ELOVL7: variants seen among roughly 807,000 people sequenced by gnomAD.
The protein encoded by ELOVL7 is ELOVL fatty acid elongase 7, also known as very long chain fatty acid elongase 7.
ELOVL7 carries 27 observed loss-of-function variants against 35.7 expected under a neutral mutation model. The observed-to-expected ratio is 0.76, with a 90% CI of 0.56 to 1.04. The LOEUF is 1.04. Ranked by LOEUF, ELOVL7 falls within the 50% of genes least tolerant of loss-of-function variation. The pLI is 0.00. For synonymous variants in ELOVL7, 113 were observed against 114.6 expected, an observed-to-expected ratio of 0.99 and a Z score of 0.09; for missense variants, 327 against 340.8, an observed-to-expected ratio of 0.96 and a Z score of 0.32.
chr5:60,812,472 C>A (rs749808315), intron 1 of ELOVL7, among the ~76,000 whole-genome samples: 6 of 150,230 alleles, frequency 4.0e-5, no homozygotes, highest in Non-Finnish European at 8.9e-5. Context: ...CTGGAGAGGA[C>A]AAGCTGCAAA....
chr5:60,795,621 C>T (rs1460209321), intron 2 of ELOVL7, among the ~76,000 whole-genome samples: 1 of 152,224 alleles, frequency 6.6e-6, no homozygotes, highest in Admixed American at 6.5e-5. Flanking sequence ...TCACCATCCA[C>T]CAGGGCTGAA....
intron 1 of ELOVL7, among the ~76,000 whole-genome samples, chr5:60,818,169 T>G (rs2112341858): frequency 6.6e-6 from 1 of 151,360 alleles, no homozygotes; most frequent in East Asian, 1.9e-4. Flanking sequence ...AATATAGAAA[T>G]TAGCTGGGTG....
In ELOVL7 at chr5:60,754,743, T is replaced by C. The variant is rs1446451843; in HGVS notation, c.727A>G (p.Met243Val). Residue 243 changes from methionine (M) to valine (V), a missense_variant, in exon 9 of 9, where the codon ATG becomes GTG. Transcript: ENST00000508821. ...AGCAGAAACATGAAACTGTAACTCATAATGATGCACGCAAAGACTGGAAAC... is the reference window on the plus strand; with the variant it reads ...AGCAGAAACATGAAACTGTAACTCACAATGATGCACGCAAAGACTGGAAAC... Reference protein sequence around the residue: ...YQFPVFACIIMSYSFMFLLLF... With the variant: ...YQFPVFACIIVSYSFMFLLLF... The C allele has an allele frequency of 6.2e-7, 1 of 1,614,072 alleles. No homozygotes were observed. Among genetic ancestry groups the C allele is most frequent in the Non-Finnish European group, 8.5e-7 (1 of 1,180,008 alleles).
chr5:60,786,329 C>T (rs569190827), intron 3 of ELOVL7, among the ~76,000 whole-genome samples: 1 of 152,240 alleles, frequency 6.6e-6, no homozygotes, highest in African/African-American at 2.4e-5. Context: ...AAAAGCAACA[C>T]AACATATTTG....
Position 60,766,627 on chromosome 5 carries a change from C to G in ELOVL7, c.340G>C (p.Ala114Pro), listed in dbSNP as rs1742252929. The G allele has an allele frequency of 6.2e-7, 1 of 1,611,456 alleles. No homozygotes were observed. The highest frequency in any genetic ancestry group is 1.3e-5 in the African/African-American group (1 of 74,814). The change falls in exon 6 of 9, where the codon GCA becomes CCA. Residue 114 changes from alanine (A) to proline (P), a missense_variant. By Grantham distance (27) the Ala-to-Pro change is conservative (BLOSUM62 -1). Transcript: ENST00000508821. ...YSRSPTALRM[A>P]RTCWLYYFSK... Reference sequence around the variant, plus strand: ...AAGTAATAAAGCCAGCAGGTACGTGCCATCTGCAGAAGCACAAATAAATCT... The same window carrying G: ...AAGTAATAAAGCCAGCAGGTACGTGGCATCTGCAGAAGCACAAATAAATCT...
intron 1 of ELOVL7, among the ~76,000 whole-genome samples, chr5:60,840,420 T>G (rs1181463647): frequency 1.3e-5 from 2 of 152,176 alleles, no homozygotes; most frequent in African/African-American, 4.8e-5. Context: ...TATCAGAGAT[T>G]GCTGCTGTCA....
intron 1 of ELOVL7, among the ~76,000 whole-genome samples, chr5:60,838,358 C>T (rs573150091): frequency 3.9e-5 from 6 of 152,302 alleles, no homozygotes; most frequent in Admixed American, 1.3e-4. Context: ...CCTGTCTGCC[C>T]GCCTCTGCCT....
chr5:60,783,039 C>T (rs1251706371), intron 3 of ELOVL7, among the ~76,000 whole-genome samples: 1 of 151,992 alleles, frequency 6.6e-6, no homozygotes, highest in Non-Finnish European at 1.5e-5. Context: ...ACTTTGTACC[C>T]CATAAATATA....
intron 1 of ELOVL7, chr5:60,843,361 CTGGGAAAG>C (rs1747297600): frequency 1.0e-5 from 1 of 97,258 alleles, no homozygotes; most frequent in Non-Finnish European, 2.7e-5. Flanking sequence ...CCCAACGAAC[CTGGGAAAG>C]CCCATTTCCC....
intron 1 of ELOVL7, among the ~76,000 whole-genome samples, chr5:60,825,222 C>G (rs1365839581): frequency 6.6e-6 from 1 of 152,110 alleles, no homozygotes; most frequent in Non-Finnish European, 1.5e-5. Flanking sequence ...GCATTGATCC[C>G]CTTGTCCTTC....
chr5:60,767,053 T>G (rs1432474512), intron 5 of ELOVL7, among the ~76,000 whole-genome samples: 1 of 152,206 alleles, frequency 6.6e-6, no homozygotes, highest in Non-Finnish European at 1.5e-5. Flanking sequence ...AAAGGCTGAA[T>G]CATATTCCAT....
At chr5:60,805,196 C>T (rs963975283) in intron 1 of ELOVL7, among the ~76,000 whole-genome samples, 1 of 152,198 alleles carries the variant, frequency 6.6e-6, no homozygotes, top group African/African-American at 2.4e-5. Flanking sequence ...AATTCATTCG[C>T]TTATTCAACC....
chr5:60,785,929 GT>G (rs1358589896), intron 3 of ELOVL7: 1 of 152,152 alleles, frequency 6.6e-6, no homozygotes, highest in Non-Finnish European at 1.5e-5. Flanking sequence ...ATGAAACAGT[GT>G]ATCTTTGCTG....
chr5:60,830,688 T>C (rs190085014), intron 1 of ELOVL7, among the ~76,000 whole-genome samples: 57 of 152,068 alleles, frequency 3.7e-4, no homozygotes, highest in Non-Finnish European at 7.4e-4. Context: ...ACTTAAAATT[T>C]ACCATCTTAA....
intron 1 of ELOVL7, among the ~76,000 whole-genome samples, chr5:60,828,772 T>G (rs934906184): frequency 2.0e-5 from 3 of 152,230 alleles, no homozygotes; most frequent in African/African-American, 7.2e-5. Context: ...TTACTCGTAT[T>G]GTTTTAAAAC....
At chr5:60,816,529 A>G (rs889232766) in intron 1 of ELOVL7, among the ~76,000 whole-genome samples, 2 of 152,230 alleles carry the variant, frequency 1.3e-5, no homozygotes, top group Non-Finnish European at 2.9e-5. Context: ...ATACCCCACC[A>G]CAACCCACAA....
intron 5 of ELOVL7, 115 bp from the exon 6 acceptor site, chr5:60,766,745 T>C (rs1231261550): frequency 1.2e-6 from 1 of 823,694 alleles, no homozygotes; most frequent in African/African-American, 1.7e-5. Flanking sequence ...CATTTCTTAG[T>C]GCACAGTTAA....
intron 4 of ELOVL7, among the ~76,000 whole-genome samples, chr5:60,768,271 A>G (rs1742364610): frequency 6.6e-6 from 1 of 152,112 alleles, no homozygotes; most frequent in East Asian, 1.9e-4. Flanking sequence ...GTGTTTGTGT[A>G]CTCTTAAAGG....
intron 3 of ELOVL7, among the ~76,000 whole-genome samples, chr5:60,776,550 C>T (rs1742915810): frequency 6.6e-6 from 1 of 152,084 alleles, no homozygotes; most frequent in African/African-American, 2.4e-5. Flanking sequence ...TTAAAAAGAA[C>T]AAAATCATAT....
Sources: allele counts gnomAD v4.1 joint callset (sites outside exome capture counted in the v4.1 genomes callset), GRCh38; gene constraint gnomAD v4.1.1; transcripts MANE v1.5; gene names NCBI Gene and HGNC (gene_info 2026-07-23, HGNC 2026-07-21).